Variants in HSD17B4 observed in about 807,000 individuals in gnomAD.
HSD17B4 encodes the protein peroxisomal multifunctional enzyme type 2.
Under a neutral mutation model 101.0 loss-of-function variants are expected in HSD17B4, and 70 were observed. The ratio of observed to expected loss-of-function variants is 0.69; its 90% CI spans 0.57 to 0.85. The LOEUF (loss-of-function observed/expected upper bound fraction) is 0.85. HSD17B4 is among the 40% of genes least tolerant of loss of function. HSD17B4 has a pLI of 0.00. For missense variants in HSD17B4, 984 were observed against 892.4 expected (o/e 1.10, Z -1.31); for synonymous variants, 347 against 297.1 (o/e 1.17, Z -1.73).
intron 1 of HSD17B4, among the ~76,000 whole-genome samples, chr5:119,454,002 G>C (rs1481730624): frequency 6.6e-6 from 1 of 152,158 alleles, no homozygotes; most frequent in Non-Finnish European, 1.5e-5. Flanking sequence ...ATCATTCAAG[G>C]ATAGGGACTG....
At chr5:119,522,004 G>A (rs1308696837) in intron 17 of HSD17B4, among the ~76,000 whole-genome samples, 3 of 151,394 alleles carry the variant, frequency 2.0e-5, no homozygotes, top group South Asian at 2.1e-4. Context: ...TGTTACATAC[G>A]TATACATGTG....
At chr5:119,452,761 T>G in intron 1 of HSD17B4, 128 bp downstream of exon 1, 1 of 1,578,130 alleles carries the variant, frequency 6.3e-7, no homozygotes, top group Non-Finnish European at 8.6e-7. Context: ...GGAATGGTTA[T>G]TCTTGAGGCA....
chr5:119,498,653 G>A (rs895571700), intron 12 of HSD17B4, among the ~76,000 whole-genome samples: 9 of 152,278 alleles, frequency 5.9e-5, no homozygotes, highest in Middle Eastern at 6.8e-3. Context: ...CGAGGTGGGT[G>A]GATCACGAGG....
In HSD17B4 at chr5:119,475,706, ATGT is replaced by A; in HGVS notation, c.285_287del (p.Val97del). The A allele has an allele frequency of 6.3e-7, 1 of 1,593,418 alleles. No homozygotes were observed. The highest frequency in any genetic ancestry group is 8.6e-7 in the Non-Finnish European group (1 of 1,163,140). On this transcript the variant is annotated inframe_deletion and splice_region_variant, in exon 5 of 24. Coordinates refer to ENST00000510025, the MANE Select transcript of HSD17B4 (RefSeq NM_000414.4). ...TAACTTGTATCTTTTTATATTGTAG[ATGT>A]TGTGGTCAACAATGCTGGGTGAGTA... is the stretch of plus-strand genomic sequence containing the variant.
chr5:119,486,933 G>C (rs1337578141), intron 8 of HSD17B4, among the ~76,000 whole-genome samples: 1 of 152,056 alleles, frequency 6.6e-6, no homozygotes, highest in African/African-American at 2.4e-5. Flanking sequence ...TTCATTGTGT[G>C]CTTGGTGATT....
chr5:119,478,559 A>G (rs568132360), intron 7 of HSD17B4, among the ~76,000 whole-genome samples: 3 of 152,184 alleles, frequency 2.0e-5, no homozygotes, highest in African/African-American at 7.2e-5. Flanking sequence ...TTTAACTTAC[A>G]TGTTACCAGG....
chr5:119,478,111 G>C (rs1748764581), intron 7 of HSD17B4: 1 of 157,242 alleles, frequency 6.4e-6, no homozygotes, highest in Non-Finnish European at 1.4e-5. Context: ...GAGATGAATG[G>C]CTAGTCCCTG....
Position 119,494,068 on chromosome 5 carries a change from A to G in HSD17B4, c.868+122A>G. The G allele has an allele frequency of 5.3e-6, 5 of 946,602 alleles. No homozygotes were observed. In the South Asian group the frequency reaches 5.5e-5, roughly 10 times the overall value. 58.6% of individuals were successfully genotyped at this position (946,602 alleles called of 1,614,324 possible). ...TTAAGACACTTGAATCGTCTATAGC[A>G]TATTTTCTGCTCTAGTAGGTATTAG... is the stretch of plus-strand genomic sequence containing the variant. On this transcript the variant is annotated intron_variant, in intron 11 of 23. Transcript: ENST00000510025.
At chr5:119,498,965 A>G (rs1428713707) in intron 12 of HSD17B4, among the ~76,000 whole-genome samples, 1 of 152,222 alleles carries the variant, frequency 6.6e-6, no homozygotes, top group Admixed American at 6.5e-5. Context: ...AGTGAACTTT[A>G]TACATTAGAT....
chr5:119,514,860 C>T (rs1221833179), intron 16 of HSD17B4, 121 bp from the exon 17 acceptor site: 5 of 697,624 alleles, frequency 7.2e-6, no homozygotes, highest in Non-Finnish European at 1.3e-5. Context: ...TTTTTAAACC[C>T]TTTTATCCAA....
chr5:119,538,665 C>G (rs1754731163), intron 23 of HSD17B4, among the ~76,000 whole-genome samples: 1 of 152,108 alleles, frequency 6.6e-6, no homozygotes, highest in Non-Finnish European at 1.5e-5. Flanking sequence ...ACCTGTAATG[C>G]TAATTCTAGT....
At chr5:119,536,055 C>A in intron 22 of HSD17B4, 1 of 259,872 alleles carries the variant, frequency 3.8e-6, no homozygotes, top group Non-Finnish European at 7.5e-6. Context: ...CAGTAAGATG[C>A]CTGTAATGAA....
At chr5:119,478,440 A>G (rs1748799463) in intron 7 of HSD17B4, among the ~76,000 whole-genome samples, 2 of 152,166 alleles carry the variant, frequency 1.3e-5, no homozygotes, top group African/African-American at 4.8e-5. Flanking sequence ...TCAGATTTTG[A>G]GATGGCATTG....
At chr5:119,501,729 A>G (rs1370334984) in intron 13 of HSD17B4, among the ~76,000 whole-genome samples, 1 of 152,148 alleles carries the variant, frequency 6.6e-6, no homozygotes, top group African/African-American at 2.4e-5. Flanking sequence ...GCACTGTTAT[A>G]AGTTCTGGGA....
chr5:119,485,039 A>G (rs1054085616), intron 8 of HSD17B4, among the ~76,000 whole-genome samples: 2 of 152,184 alleles, frequency 1.3e-5, no homozygotes, highest in African/African-American at 4.8e-5. Flanking sequence ...TGAAAATGTA[A>G]TGAATATTCA....
chr5:119,540,029 G>C (rs1362273806), intron 23 of HSD17B4, among the ~76,000 whole-genome samples: 1 of 151,992 alleles, frequency 6.6e-6, no homozygotes, highest in African/African-American at 2.4e-5. Context: ...GGAGGCTTAG[G>C]CTGCAGTGAG....
intron 1 of HSD17B4, among the ~76,000 whole-genome samples, chr5:119,454,706 C>G (rs1754421908): frequency 6.6e-6 from 1 of 152,164 alleles, no homozygotes; most frequent in African/African-American, 2.4e-5. Context: ...ACTGCAACCT[C>G]TGCCTTCCGG....
chr5:119,498,863 GAGCGAGACTCCATCTCAAAAC>G (rs1229488376), intron 12 of HSD17B4, among the ~76,000 whole-genome samples: 10 of 152,204 alleles, frequency 6.6e-5, no homozygotes, highest in African/African-American at 2.4e-4. Flanking sequence ...TTGGGCGAGA[GAGCGAGACTCCATCTCAAAAC>G]AAACAAACAG....
intron 2 of HSD17B4, among the ~76,000 whole-genome samples, chr5:119,463,395 T>C (rs1278012790): frequency 6.6e-6 from 1 of 152,190 alleles, no homozygotes; most frequent in Non-Finnish European, 1.5e-5. Context: ...TTAATTCATA[T>C]GGTAGTTCTG....
Sources: gnomAD v4.1 joint callset for allele counts (sites outside exome capture counted in the v4.1 genomes callset) on GRCh38, gnomAD v4.1.1 for gene constraint, MANE v1.5 for transcripts, NCBI Gene and HGNC (gene_info 2026-07-23, HGNC 2026-07-21) for gene names.